Variants in MAPT observed in about 807,000 individuals in gnomAD.
The protein encoded by MAPT is microtubule-associated protein tau.
Under a neutral mutation model 67.9 loss-of-function variants are expected in MAPT, and 34 were observed. The ratio of observed to expected loss-of-function variants is 0.50; its 90% CI spans 0.38 to 0.67. The LOEUF (loss-of-function observed/expected upper bound fraction) is 0.67, where lower values mean the gene tolerates loss of function less well. Ranked by LOEUF, MAPT falls within the 30% of genes least tolerant of loss-of-function variation. MAPT has a pLI of 0.00. For synonymous variants in MAPT, 456 were observed against 464.5 expected, an observed-to-expected ratio of 0.98 and a Z score of 0.23; for missense variants, 881 against 1,115.2, an observed-to-expected ratio of 0.79 and a Z score of 2.99.
intron 1 of MAPT, among the ~76,000 whole-genome samples, chr17:45,899,919 G>C (rs959526780): frequency 3.3e-5 from 5 of 152,184 alleles, no homozygotes; most frequent in Admixed American, 2.0e-4. Flanking sequence ...CAGCTGGTTT[G>C]ATTGACCCAG....
At chr17:46,001,400 AAAGAT>A in intron 9 of MAPT, among the ~76,000 whole-genome samples, 1 of 152,288 alleles carries the variant, frequency 6.6e-6, no homozygotes, top group East Asian at 1.9e-4. Context: ...ATCTAGAAAC[AAAGAT>A]AAGAGCAGAA....
chr17:45,983,905 C>T lies in MAPT; in HGVS notation c.1326C>T (p.Pro442=), dbSNP rs201312701. 1.8e-4 allele frequency: 283 copies of T among 1,579,434 alleles called. No homozygotes were observed. The highest frequency in any genetic ancestry group is 2.3e-4 in the Non-Finnish European group (268 of 1,166,434). The part of the protein sequence containing the change: ...KQPAAAPRGK[P]VSRVPQLKAR... ...CTGCTGCTGCTCCGCGGGGGAAGCC[C>T]GTCAGCCGGGTCCCTCAACTCAAAG... Residue 442 remains proline, a synonymous_variant, in exon 5 of 13, where the codon CCC becomes CCT. Transcript: ENST00000262410.
At chr17:45,946,831 A>T (rs972528428) in intron 1 of MAPT, among the ~76,000 whole-genome samples, 10 of 151,940 alleles carry the variant, frequency 6.6e-5, no homozygotes, top group African/African-American at 2.4e-4. Flanking sequence ...TCTCAGACAC[A>T]ATCTGGGAAT....
rs377597373 is a variant in MAPT, at chr17:45,983,354, G to T, written c.775G>T (p.Ala259Ser). 1.9e-6 allele frequency: 3 copies of T among 1,606,896 alleles called. No homozygotes were observed. The highest frequency in any genetic ancestry group is 1.1e-5 in the South Asian group (1 of 90,068). The change falls in exon 5 of 13, where the codon GCC (alanine) becomes TCC (serine). Residue 259 changes from alanine to serine, a missense_variant. Ala to Ser is a moderately conservative substitution (Grantham distance 99). Coordinates refer to ENST00000262410, the MANE Select transcript of MAPT (RefSeq NM_001377265.1). ...TGAGGACACAGAGGGCGGCCGCCAC[G>T]CCCCTGAGCTGCTCAAGCACCAGCT... ...GPEDTEGGRH[A>S]PELLKHQLLG...
intron 9 of MAPT, among the ~76,000 whole-genome samples, chr17:46,006,531 G>A (rs1353245252): frequency 5.3e-5 from 8 of 152,074 alleles, no homozygotes; most frequent in Admixed American, 6.6e-5. Context: ...GCAGGGTGAC[G>A]ACAGCCAACA....
At chr17:46,015,600 A>C (rs992833476) in intron 11 of MAPT, among the ~76,000 whole-genome samples, 2 of 152,152 alleles carry the variant, frequency 1.3e-5, no homozygotes, top group Non-Finnish European at 2.9e-5. Flanking sequence ...CGGAGCTTGC[A>C]GTGAGCCGAG....
rs1555690435 is a variant in MAPT at position 45,941,701 on chromosome 17, G to GCCTTCCTTCCTTCCTT, written c.-17-20617_-17-20616insTCCTTCCTTCCTTCCT. 2.6e-4 allele frequency among the ~76,000 whole-genome samples: 19 copies of GCCTTCCTTCCTTCCTT among 73,538 alleles called. 1 individual carries two copies. Among genetic ancestry groups the GCCTTCCTTCCTTCCTT allele is most frequent in the African/African-American group, 7.8e-4 (12 of 15,356 alleles). 48.2% of individuals were successfully genotyped at this position (73,538 alleles called of 152,430 possible). A position where few individuals can be genotyped will look rare whatever the true frequency, so the allele number is the denominator to read the frequency against. ...TTCCCTCCTTCCTTCCTTCCTTCCT[G>GCCTTCCTTCCTTCCTT]CCTGCCTTCCTTCCTTCCTTCCTTC... On this transcript the variant is annotated intron_variant, in intron 1 of 12. Transcript: ENST00000262410.
rs372762009 is a variant in MAPT at position 45,993,902 on chromosome 17, T to C, written c.1732+2316T>C. 43 of 1,558,092 alleles carry C rather than the reference T, an allele frequency of 2.8e-5. No homozygotes were observed. The African/African-American group carries it at 4.9e-4, about 18-fold the overall frequency. On this transcript the variant is annotated intron_variant, in intron 8 of 12. Transcript: ENST00000262410. ...GTTTAAGCCTGATGATAATAAGGCT[T>C]TCGTGGATTTTTCTCTTTAAGCGAC...
chr17:45,975,002 T>C (rs1440756218), intron 3 of MAPT: 6 of 158,186 alleles, frequency 3.8e-5, no homozygotes, highest in Non-Finnish European at 7.0e-5. Flanking sequence ...TTCAAACGTA[T>C]TCATGTAGAA....
chr17:46,023,338 A>G (rs529699468), intron 12 of MAPT, among the ~76,000 whole-genome samples: 22 of 152,378 alleles, frequency 1.4e-4, no homozygotes, highest in East Asian at 7.7e-4. Flanking sequence ...ACAGAGGAGT[A>G]GATGCCTTTT....
chr17:45,956,615 A>C (rs2069752132), intron 1 of MAPT, among the ~76,000 whole-genome samples: 1 of 141,930 alleles, frequency 7.0e-6, no homozygotes, highest in Non-Finnish European at 1.5e-5. Context: ...TTATTATTAT[A>C]CTTTAAGTTC....
At chr17:45,982,018 C>CAAAA (rs1264327504) in intron 4 of MAPT, among the ~76,000 whole-genome samples, 6 of 84,694 alleles carry the variant, frequency 7.1e-5, no homozygotes, top group Non-Finnish European at 9.5e-5. Context: ...GACCCTGTCT[C>CAAAA]AAAAAAAAAA....
chr17:45,988,346 C>T (rs958292950), intron 6 of MAPT, among the ~76,000 whole-genome samples: 1 of 152,222 alleles, frequency 6.6e-6, no homozygotes, highest in Non-Finnish European at 1.5e-5. Flanking sequence ...GGAAACACTT[C>T]GAGGCTTAGC....
rs905524283 is a variant in MAPT at position 45,996,775 on chromosome 17, G to C, written c.1998+111G>C. The stretch of plus-strand genomic sequence containing the variant: ...GAGGTGCGCGGTTGAGCGTGGAGTC[G>C]TGGGACTGTGCATGGAGGTGTGGGG... On this transcript the variant is annotated intron_variant, in intron 9 of 12. Transcript: ENST00000262410. The surrounding 1 kb of genome is among the most constrained non-coding windows in gnomAD (Gnocchi z 4.5). 3.4e-6 allele frequency: 5 copies of C among 1,449,522 alleles called. No homozygotes were observed. Among genetic ancestry groups the C allele is most frequent in the Non-Finnish European group, 4.7e-6 (5 of 1,074,612 alleles). 89.8% of individuals were successfully genotyped at this position (1,449,522 alleles called of 1,614,324 possible). A position where few individuals can be genotyped will look rare whatever the true frequency, so the allele number is the denominator to read the frequency against.
chr17:45,942,474 G>A (rs761154470), intron 1 of MAPT, among the ~76,000 whole-genome samples: 2 of 152,220 alleles, frequency 1.3e-5, no homozygotes, highest in African/African-American at 2.4e-5. Flanking sequence ...CACGTGTCGT[G>A]GGTACTGTCA....
At chr17:46,017,489 C>T (rs1446087428) in intron 11 of MAPT, among the ~76,000 whole-genome samples, 3 of 108,696 alleles carry the variant, frequency 2.8e-5, no homozygotes, top group African/African-American at 1.2e-4. Context: ...GTTGTACTCT[C>T]ATTGCCCAGG....
intron 1 of MAPT, among the ~76,000 whole-genome samples, chr17:45,914,162 A>G (rs759800824): frequency 1.1e-4 from 13 of 114,492 alleles, no homozygotes; most frequent in Non-Finnish European, 2.3e-4. Flanking sequence ...ATTTAAAAAG[A>G]CTGCTGATAA....
intron 1 of MAPT, among the ~76,000 whole-genome samples, chr17:45,929,087 CT>C (rs111555239): frequency 4.3e-4 from 65 of 152,052 alleles, no homozygotes; most frequent in African/African-American, 1.5e-3. Context: ...ACATTTAAAA[CT>C]TTTTTTTAAT....
chr17:45,972,976 G>A (rs548384511), intron 3 of MAPT: 2 of 152,244 alleles, frequency 1.3e-5, no homozygotes, highest in South Asian at 4.1e-4. Flanking sequence ...CGTTAATAGT[G>A]GCTTTTGAGT....
Sources: allele counts gnomAD v4.1 joint callset (sites outside exome capture counted in the v4.1 genomes callset), GRCh38; gene constraint gnomAD v4.1.1; non-coding constraint Gnocchi (gnomAD v3.1); transcripts MANE v1.5; gene names NCBI Gene and HGNC (gene_info 2026-07-23, HGNC 2026-07-21).